CSNK1G3: variants seen among roughly 807,000 people sequenced by gnomAD.
CSNK1G3 encodes casein kinase 1 gamma 3.
Under a neutral mutation model 64.3 loss-of-function variants are expected in CSNK1G3, and 23 were observed. That is an observed-to-expected ratio of 0.36 (90% CI 0.26 to 0.51). The LOEUF is 0.51. CSNK1G3 is among the 20% of genes least tolerant of loss of function. The pLI is 0.96. For missense variants in CSNK1G3, 357 were observed against 510.5 expected, an observed-to-expected ratio of 0.70 and a Z score of 2.90; for synonymous variants, 158 against 162.2, an observed-to-expected ratio of 0.97 and a Z score of 0.20.
intron 10 of CSNK1G3, among the ~76,000 whole-genome samples, chr5:123,598,420 A>G (rs1366846413): frequency 1.3e-5 from 2 of 152,194 alleles, no homozygotes; most frequent in Non-Finnish European, 2.9e-5. Flanking sequence ...AGGCAGGGTG[A>G]TAAGTGGAGA....
intron 4 of CSNK1G3, among the ~76,000 whole-genome samples, chr5:123,569,487 T>C (rs1208043695): frequency 6.6e-6 from 1 of 152,216 alleles, no homozygotes; most frequent in Non-Finnish European, 1.5e-5. Context: ...TGCATTGTCT[T>C]TTGGAGGACA....
chr5:123,534,521 A>G (rs1283593641), intron 1 of CSNK1G3, among the ~76,000 whole-genome samples: 2 of 152,158 alleles, frequency 1.3e-5, no homozygotes, highest in East Asian at 3.9e-4. Context: ...GCTTGAAGAA[A>G]TAAGCGGCCA....
chr5:123,606,117 C>T (rs1795320709), intron 12 of CSNK1G3, among the ~76,000 whole-genome samples: 1 of 151,906 alleles, frequency 6.6e-6, no homozygotes, highest in Non-Finnish European at 1.5e-5. Flanking sequence ...AAATTATGCT[C>T]ATTTGTTGGC....
At chr5:123,561,877 G>C (rs1410741019) in intron 4 of CSNK1G3, among the ~76,000 whole-genome samples, 2 of 151,960 alleles carry the variant, frequency 1.3e-5, no homozygotes, top group African/African-American at 4.8e-5. Context: ...CTCTGATTTT[G>C]GCGTATTGGT....
At chr5:123,539,466 G>A (rs2150186546) in intron 1 of CSNK1G3, among the ~76,000 whole-genome samples, 1 of 150,480 alleles carries the variant, frequency 6.6e-6, no homozygotes, top group Non-Finnish European at 1.5e-5. Flanking sequence ...GATTATCCCT[G>A]TGGGTTTTCT....
At chr5:123,586,059 A>G (rs1352589422) in intron 6 of CSNK1G3, among the ~76,000 whole-genome samples, 1 of 152,244 alleles carries the variant, frequency 6.6e-6, no homozygotes, top group Non-Finnish European at 1.5e-5. Flanking sequence ...CTGTCAACAG[A>G]TGAATAAACA....
chr5:123,606,097 A>G (rs1386552659), intron 12 of CSNK1G3, among the ~76,000 whole-genome samples: 2 of 152,126 alleles, frequency 1.3e-5, no homozygotes, highest in Admixed American at 6.6e-5. Flanking sequence ...GGCACCTTAT[A>G]TAATTTTCAA....
intron 6 of CSNK1G3, among the ~76,000 whole-genome samples, chr5:123,579,932 C>A (rs1045509302): frequency 1.3e-4 from 20 of 151,938 alleles, no homozygotes; most frequent in Middle Eastern, 3.4e-3. Flanking sequence ...TACATGAATT[C>A]CTATTTAAAA....
intron 6 of CSNK1G3, among the ~76,000 whole-genome samples, chr5:123,581,913 A>G (rs776052103): frequency 5.3e-5 from 8 of 151,784 alleles, no homozygotes; most frequent in Non-Finnish European, 1.0e-4. Context: ...TTATTCAGGG[A>G]GAATTTTTGT....
intron 5 of CSNK1G3, 152 bp downstream of exon 5, chr5:123,573,693 C>T: frequency 1.7e-6 from 1 of 593,724 alleles, no homozygotes. Flanking sequence ...TTTCTGGGAT[C>T]CATGTAACTT....
At chr5:123,589,264 T>A (rs1238990555) in intron 8 of CSNK1G3, among the ~76,000 whole-genome samples, 1 of 152,178 alleles carries the variant, frequency 6.6e-6, no homozygotes, top group Non-Finnish European at 1.5e-5. Context: ...CAAAAGTAGC[T>A]CTTTCTCAAG....
intron 10 of CSNK1G3, among the ~76,000 whole-genome samples, chr5:123,596,409 A>G (rs1793453215): frequency 6.6e-6 from 1 of 152,132 alleles, no homozygotes; most frequent in Non-Finnish European, 1.5e-5. Context: ...GTATATGTTT[A>G]CATGTTTTTA....
chr5:123,512,380 G>C (rs1241424739), exon 1 of CSNK1G3: 2 of 152,330 alleles, frequency 1.3e-5, no homozygotes, highest in Non-Finnish European at 2.9e-5. Context: ...GCAGCGCTGC[G>C]TTACCTCTCT....
exon 13 of CSNK1G3, chr5:123,614,551 A>G (rs1420842912): frequency 1.8e-6 from 1 of 569,096 alleles, no homozygotes; most frequent in Non-Finnish European, 2.9e-6. Flanking sequence ...GTTGTCTTAC[A>G]TTCTTTTTCT....
At chr5:123,612,807 A>G (rs1581473488) in intron 12 of CSNK1G3, among the ~76,000 whole-genome samples, 2 of 152,294 alleles carry the variant, frequency 1.3e-5, no homozygotes. Flanking sequence ...TAGATTAGTA[A>G]GAATTATAGA....
At chr5:123,571,894 T>C (rs766143467) in intron 4 of CSNK1G3, among the ~76,000 whole-genome samples, 6 of 151,988 alleles carry the variant, frequency 3.9e-5, no homozygotes, top group Non-Finnish European at 8.8e-5. Flanking sequence ...TAAAAGAAAA[T>C]GATAGTTATT....
chr5:123,550,785 A>G (rs752383132), intron 2 of CSNK1G3, among the ~76,000 whole-genome samples: 3 of 152,196 alleles, frequency 2.0e-5, no homozygotes, highest in Non-Finnish European at 4.4e-5. Flanking sequence ...CACACCATAC[A>G]TAAACACATA....
chr5:123,554,935 T>G (rs1284750130), intron 3 of CSNK1G3, among the ~76,000 whole-genome samples: 7 of 152,242 alleles, frequency 4.6e-5, no homozygotes, highest in Admixed American at 4.6e-4. Flanking sequence ...GTGGTGATCC[T>G]TAGGTCCTGT....
chr5:123,583,394 C>T (rs1157734382), intron 6 of CSNK1G3, among the ~76,000 whole-genome samples: 1 of 142,296 alleles, frequency 7.0e-6, no homozygotes, highest in Non-Finnish European at 1.5e-5. Flanking sequence ...GAGTTTCGCT[C>T]TTGTTGCGCA....
Sources: gnomAD v4.1 joint callset for allele counts (sites outside exome capture counted in the v4.1 genomes callset) on GRCh38, gnomAD v4.1.1 for gene constraint, MANE v1.5 for transcripts, NCBI Gene and HGNC (gene_info 2026-07-23, HGNC 2026-07-21) for gene names.